The following CFAP20DC variants were observed in gnomAD, a reference collection of about 807,000 sequenced individuals.
The protein encoded by CFAP20DC is CFAP20 domain containing, also known as protein CFAP20DC.
A neutral mutation model predicts 101.7 loss-of-function variants in CFAP20DC; 84 were observed. The ratio of observed to expected loss-of-function variants is 0.83; its 90% CI spans 0.69 to 0.99. CFAP20DC has a LOEUF of 0.99. Ranked by LOEUF, CFAP20DC falls within the 50% of genes least tolerant of loss-of-function variation. The probability of loss-of-function intolerance (pLI) is 0.00; values close to 1 mark genes in which losing one functional copy is unlikely to be tolerated. For synonymous variants in CFAP20DC, 359 were observed against 351.2 expected (o/e 1.02, Z -0.25); for missense variants, 1,007 against 970.3 (o/e 1.04, Z -0.50).
chr3:58,884,226 C>T (rs903816318), intron 7 of CFAP20DC, among the ~76,000 whole-genome samples: 2 of 152,160 alleles, frequency 1.3e-5, no homozygotes, highest in East Asian at 1.9e-4. Flanking sequence ...GTGTTAACTG[C>T]AATTTAATGT....
intron 13 of CFAP20DC, among the ~76,000 whole-genome samples, chr3:58,836,911 G>C (rs922723411): frequency 2.0e-5 from 3 of 152,108 alleles, no homozygotes; most frequent in Non-Finnish European, 4.4e-5. Flanking sequence ...AGGTCGTTTT[G>C]TGGAGGATCA....
chr3:59,038,041 C>G (rs975909851), intron 4 of CFAP20DC, among the ~76,000 whole-genome samples: 4 of 152,078 alleles, frequency 2.6e-5, no homozygotes, highest in African/African-American at 7.2e-5. Flanking sequence ...AAGCGAAACA[C>G]CACATGTTCT....
rs1468726220 is a variant in CFAP20DC, at chr3:58,863,827, G to C, written c.1324C>G (p.Leu442Val). The change falls in exon 12 of 17, where the codon CTT becomes GTT. Residue 442 changes from leucine to valine, a missense_variant. Leu to Val is a conservative substitution (Grantham distance 32). Coordinates refer to ENST00000482387, the MANE Select transcript of CFAP20DC (RefSeq NM_001394063.1). This position sits in a 1 kb window ranked among gnomAD's most constrained non-coding sequence, Gnocchi z 5.9. The part of the protein sequence containing the change: ...SYLASSRQSL[L>V]LGDDSCNPSH... Reference sequence around the variant, plus strand: ...GGGTTGCAGGAGTCATCACCCAGAAGTAGAGACTGTCTGCTGGATGCCAGA... The same window carrying C: ...GGGTTGCAGGAGTCATCACCCAGAACTAGAGACTGTCTGCTGGATGCCAGA... 3 of 1,614,216 alleles carry C rather than the reference G, an allele frequency of 1.9e-6. 1 individual carries two copies. In the South Asian group the frequency reaches 3.3e-5, roughly 18 times the overall value.
intron 4 of CFAP20DC, among the ~76,000 whole-genome samples, chr3:59,030,859 T>C (rs564725574): frequency 9.8e-4 from 150 of 152,344 alleles, no homozygotes; most frequent in Non-Finnish European, 1.4e-3. Flanking sequence ...AGTCTCGCTC[T>C]GTCACCCAGG....
chr3:59,034,192 G>A (rs2094050530), intron 4 of CFAP20DC, among the ~76,000 whole-genome samples: 1 of 152,034 alleles, frequency 6.6e-6, no homozygotes, highest in African/African-American at 2.4e-5. Flanking sequence ...GCTCCTCAAG[G>A]AAGCACTAAA....
chr3:58,789,389 C>T (rs986641037), intron 15 of CFAP20DC, among the ~76,000 whole-genome samples: 1 of 152,128 alleles, frequency 6.6e-6, no homozygotes, highest in Admixed American at 6.6e-5. Flanking sequence ...TAAAGAATAA[C>T]TACAGGGTAT....
chr3:59,032,579 C>T (rs1300917668), intron 4 of CFAP20DC, among the ~76,000 whole-genome samples: 2 of 152,158 alleles, frequency 1.3e-5, no homozygotes, highest in Non-Finnish European at 1.5e-5. Flanking sequence ...ACAAAGCCAC[C>T]TGGAAATTCG....
chr3:58,878,721 G>A (rs1236470547), intron 7 of CFAP20DC, among the ~76,000 whole-genome samples: 4 of 152,138 alleles, frequency 2.6e-5, no homozygotes, highest in Admixed American at 6.5e-5. Context: ...AATTAAGAAT[G>A]CACCTCTGTG....
chr3:58,761,041 T>C (rs1159522488), intron 15 of CFAP20DC, among the ~76,000 whole-genome samples: 1 of 152,252 alleles, frequency 6.6e-6, no homozygotes, highest in Admixed American at 6.5e-5. Context: ...AGGATGATGC[T>C]GGCCTCATAA....
At position 58,749,984 on chromosome 3, in the gene CFAP20DC, G is replaced by C. The variant is rs551978639; in HGVS notation, c.2332+3785C>G. 2.0e-4 allele frequency among the ~76,000 whole-genome samples: 31 copies of C among 152,312 alleles called. 1 individual carries two copies. In the South Asian group the frequency reaches 4.1e-3, roughly 20 times the overall value. ...CAGCAAGTGTGTTATAGCCCAGGAG[G>C]AGCTGTGAAGAGCTGATCATTTCCC... is the stretch of plus-strand genomic sequence containing the variant. On this transcript the variant is annotated intron_variant, in intron 16 of 16. Transcript: ENST00000482387.
chr3:58,839,171 G>C, intron 13 of CFAP20DC, among the ~76,000 whole-genome samples: 1 of 152,336 alleles, frequency 6.6e-6, no homozygotes. Flanking sequence ...ATTAAAATAC[G>C]TTAAAGCATA....
intron 7 of CFAP20DC, among the ~76,000 whole-genome samples, chr3:58,872,616 C>A (rs535673966): frequency 1.3e-5 from 2 of 152,078 alleles, no homozygotes; most frequent in African/African-American, 2.4e-5. Context: ...AGGTAAAAAC[C>A]ATGTCATTTT....
At chr3:58,768,109 A>T (rs1297189783) in intron 15 of CFAP20DC, among the ~76,000 whole-genome samples, 1 of 152,116 alleles carries the variant, frequency 6.6e-6, no homozygotes, top group Non-Finnish European at 1.5e-5. Context: ...AGCCACCTCT[A>T]AGCACATGGC....
At chr3:58,877,084 G>T (rs1249049354) in intron 7 of CFAP20DC, among the ~76,000 whole-genome samples, 1 of 152,170 alleles carries the variant, frequency 6.6e-6, no homozygotes, top group Non-Finnish European at 1.5e-5. Flanking sequence ...GCCCAGTAGG[G>T]AGTAATGCTA....
At chr3:58,809,973 G>A (rs1042096402) in intron 14 of CFAP20DC, among the ~76,000 whole-genome samples, 4 of 152,070 alleles carry the variant, frequency 2.6e-5, no homozygotes, top group South Asian at 4.2e-4. Flanking sequence ...TAAATTCCTG[G>A]ACACATACAC....
chr3:58,870,421 T>G, intron 7 of CFAP20DC, 112 bp from the exon 8 acceptor site: 1 of 975,244 alleles, frequency 1.0e-6, no homozygotes, highest in Non-Finnish European at 1.6e-6. Flanking sequence ...AAATCCCCCC[T>G]CCCCCCTCAG....
intron 5 of CFAP20DC, among the ~76,000 whole-genome samples, chr3:58,934,227 A>G (rs2087177011): frequency 6.6e-6 from 1 of 152,230 alleles, no homozygotes; most frequent in East Asian, 1.9e-4. Flanking sequence ...ACCAGGAAGA[A>G]GCTGAATCTC....
intron 7 of CFAP20DC, among the ~76,000 whole-genome samples, chr3:58,875,853 A>G (rs906988292): frequency 6.6e-6 from 1 of 152,230 alleles, no homozygotes; most frequent in Admixed American, 6.5e-5. Flanking sequence ...CATATTAACC[A>G]GTTCATAGTT....
At chr3:59,003,530 C>T (rs1158151475) in intron 4 of CFAP20DC, among the ~76,000 whole-genome samples, 4 of 152,072 alleles carry the variant, frequency 2.6e-5, no homozygotes, top group African/African-American at 9.7e-5. Context: ...CATAGGTATC[C>T]CCATAAAAGA....
Sources: allele counts gnomAD v4.1 joint callset (sites outside exome capture counted in the v4.1 genomes callset), GRCh38; gene constraint gnomAD v4.1.1; non-coding constraint Gnocchi (gnomAD v3.1); transcripts MANE v1.5; gene names NCBI Gene and HGNC (gene_info 2026-07-23, HGNC 2026-07-21).